Variants in FAM120A observed in about 807,000 individuals in gnomAD.
FAM120A encodes family with sequence similarity 120 member A, also known as constitutive coactivator of PPAR-gamma-like protein 1.
FAM120A carries 15 observed loss-of-function variants against 109.7 expected under a neutral mutation model. The observed-to-expected ratio is 0.14, with a 90% CI of 0.09 to 0.21. The LOEUF (loss-of-function observed/expected upper bound fraction) is 0.21. Among genes scored for constraint, FAM120A ranks in the 10% least tolerant of loss-of-function variants. The pLI, the probability that FAM120A is intolerant of heterozygous loss-of-function variation, is 1.00. For missense variants in FAM120A, 899 were observed against 1,439.3 expected, an observed-to-expected ratio of 0.62 and a Z score of 6.07; for synonymous variants, 493 against 572.8, an observed-to-expected ratio of 0.86 and a Z score of 1.99.
rs1363630212 is a variant in FAM120A, at chr9:93,498,978, T to C, written c.1030+92T>C. On this transcript the variant is annotated intron_variant, in intron 5 of 17. Coordinates refer to ENST00000277165, the MANE Select transcript of FAM120A (RefSeq NM_014612.5). The surrounding 1 kb of genome is among the most constrained non-coding windows in gnomAD (Gnocchi z 4.4). ...CATATAATCTTGTAGGTTTATGTTT[T>C]TGAAACATGATTTTCTGTAGTTATG... The C allele has an allele frequency of 1.1e-6, 1 of 899,616 alleles. No homozygotes were observed. Among genetic ancestry groups the C allele is most frequent in the Admixed American group, 2.0e-5 (1 of 50,066 alleles). 55.7% of individuals were successfully genotyped at this position (899,616 alleles called of 1,614,324 possible).
In FAM120A at chr9:93,562,236, G is replaced by A; in HGVS notation, c.2977G>A (p.Val993Met). 6.2e-7 allele frequency: 1 copy of A among 1,614,130 alleles called. No homozygotes were observed. The highest frequency in any genetic ancestry group is 1.3e-5 in the African/African-American group (1 of 75,046). The change falls in exon 17 of 18, where the codon GTG (valine) becomes ATG (methionine). Residue 993 changes from valine to methionine, a missense_variant. By Grantham distance (21) the Val-to-Met change is conservative. Transcript: ENST00000277165. Reference sequence around the variant, plus strand: ...TCCAAGAGGAGTTATTTCCACCCCAGTGATTAGAACATTTGGAAGAGGTGG... The same window carrying A: ...TCCAAGAGGAGTTATTTCCACCCCAATGATTAGAACATTTGGAAGAGGTGG... ...GRPRGVISTPVIRTFGRGGRY... is the reference protein window; with the variant it reads ...GRPRGVISTPMIRTFGRGGRY...
chr9:93,557,811 G>C lies in FAM120A; in HGVS notation c.2485-16G>C, dbSNP rs751932248. On this transcript the variant is annotated splice_polypyrimidine_tract_variant and intron_variant, in intron 13 of 17. Coordinates refer to ENST00000277165, the MANE Select transcript of FAM120A (RefSeq NM_014612.5). ...CCTGTGGATGGCATTTTCACATGCT[G>C]GTCCTTGTCTTCCAGGCTGATCAGG... 8.7e-6 allele frequency: 14 copies of C among 1,609,096 alleles called. No individual in the cohort carries two copies.
intron 17 of FAM120A, among the ~76,000 whole-genome samples, chr9:93,563,955 C>G (rs1053898673): frequency 1.3e-5 from 2 of 152,152 alleles, no homozygotes; most frequent in South Asian, 4.1e-4. Context: ...TAGTGCCATA[C>G]AAAGGATTAG....
intron 5 of FAM120A, 130 bp downstream of exon 5, chr9:93,499,016 G>T (rs967271235): frequency 1.4e-6 from 1 of 692,308 alleles, no homozygotes; most frequent in East Asian, 2.5e-5. Flanking sequence ...AGTAAGTATA[G>T]CCAAACTTCC....
intron 2 of FAM120A, among the ~76,000 whole-genome samples, chr9:93,474,974 C>T (rs558966729): frequency 5.9e-5 from 9 of 152,264 alleles, no homozygotes; most frequent in Admixed American, 1.3e-4. Flanking sequence ...TGAGCAGTTA[C>T]GGTTCAGATT....
chr9:93,479,646 C>G (rs776218729), intron 3 of FAM120A, among the ~76,000 whole-genome samples: 2 of 152,140 alleles, frequency 1.3e-5, no homozygotes, highest in Non-Finnish European at 1.5e-5. Context: ...GATAGGAAGT[C>G]ATCAGTAGTC....
Position 93,564,627 on chromosome 9 carries a change from T to C in FAM120A, c.*87T>C. ...GAAAGAGAGCCTGCAGTTATGTACA[T>C]TTTGTCCTTTCCGTAAGAGAAAAAT... On this transcript the variant is annotated 3_prime_UTR_variant, in exon 18 of 18. Coordinates refer to ENST00000277165, the MANE Select transcript of FAM120A (RefSeq NM_014612.5). The C allele has an allele frequency of 8.8e-7, 1 of 1,141,926 alleles. No individual in the cohort carries two copies. Among genetic ancestry groups the C allele is most frequent in the East Asian group, 2.5e-5 (1 of 40,196 alleles). The allele number at this position is 1,141,926 out of a possible 1,614,324, so 70.7% of individuals were successfully genotyped here. A position where few individuals can be genotyped will look rare whatever the true frequency, so the allele number is the denominator to read the frequency against.
At chr9:93,494,303 A>G (rs1859474107) in intron 3 of FAM120A, among the ~76,000 whole-genome samples, 1 of 152,208 alleles carries the variant, frequency 6.6e-6, no homozygotes, top group African/African-American at 2.4e-5. Context: ...CATTTGAAGG[A>G]TGCACCTAAG....
intron 1 of FAM120A, among the ~76,000 whole-genome samples, chr9:93,457,645 A>T (rs550232225): frequency 2.1e-4 from 32 of 152,172 alleles, no homozygotes; most frequent in Non-Finnish European, 3.7e-4. Context: ...ACTTTGCAAG[A>T]AAGCCAGAAA....
intron 12 of FAM120A, among the ~76,000 whole-genome samples, chr9:93,553,150 T>A (rs1334367513): frequency 6.6e-6 from 1 of 152,244 alleles, no homozygotes; most frequent in African/African-American, 2.4e-5. Flanking sequence ...TTTCCTGTTA[T>A]ATTTTTTAAG....
intron 3 of FAM120A, among the ~76,000 whole-genome samples, chr9:93,489,008 T>TAA (rs34387679): frequency 0.045 from 6,423 of 143,132 alleles, 225 homozygotes; most frequent in African/African-American, 0.092. Flanking sequence ...ATGTATCTGT[T>TAA]AAAAAAAAAA....
intron 8 of FAM120A, among the ~76,000 whole-genome samples, chr9:93,528,655 A>G (rs1392462603): frequency 6.6e-6 from 1 of 151,806 alleles, no homozygotes; most frequent in Non-Finnish European, 1.5e-5. Flanking sequence ...TGTATCATGG[A>G]CCTCTTTCTA....
intron 11 of FAM120A, among the ~76,000 whole-genome samples, chr9:93,549,850 C>T (rs1862032097): frequency 1.3e-5 from 2 of 152,164 alleles, no homozygotes; most frequent in Non-Finnish European, 2.9e-5. Context: ...TTCACTTTTT[C>T]ACGCCCAGAC....
At chr9:93,501,071 AT>A (rs961688654) in intron 5 of FAM120A, among the ~76,000 whole-genome samples, 4 of 152,200 alleles carry the variant, frequency 2.6e-5, no homozygotes, top group African/African-American at 9.7e-5. Context: ...CAGGCACTGA[AT>A]GATTGGGCAT....
At chr9:93,496,906 C>A (rs1859600684) in intron 3 of FAM120A, among the ~76,000 whole-genome samples, 1 of 152,242 alleles carries the variant, frequency 6.6e-6, no homozygotes, top group African/African-American at 2.4e-5. Context: ...TTTCCTCAAA[C>A]ATGCCCCTCA....
At chr9:93,494,847 G>A (rs1588839419) in intron 3 of FAM120A, among the ~76,000 whole-genome samples, 1 of 152,142 alleles carries the variant, frequency 6.6e-6, no homozygotes, top group African/African-American at 2.4e-5. Flanking sequence ...CTCTGGCACG[G>A]GTGACATTAG....
rs781715520 is a variant in FAM120A, at chr9:93,564,322, G to A, written c.3139G>A (p.Gly1047Arg). Residue 1047 changes from glycine to arginine, a missense_variant, in exon 18 of 18, where the codon GGG (glycine) becomes AGG (arginine). Gly to Arg is a moderately radical substitution (Grantham distance 125). This residue lies in a region of FAM120A where 170 missense variants were observed against 205.0 expected (regional missense o/e 0.83). Coordinates refer to ENST00000277165, the MANE Select transcript of FAM120A (RefSeq NM_014612.5). ...ESKSSAMSSD[G>R]SLAENGVMAE... The stretch of plus-strand genomic sequence containing the variant: ...GAAGTCCTCTGCTATGTCTTCAGAC[G>A]GGTCCCTGGCTGAAAACGGAGTGAT... The A allele has an allele frequency of 9.3e-6, 15 of 1,614,082 alleles. No individual in the cohort carries two copies. Among genetic ancestry groups the A allele is most frequent in the East Asian group, 8.9e-5 (4 of 44,902 alleles).
At chr9:93,486,114 A>G (rs1438999721) in intron 3 of FAM120A, among the ~76,000 whole-genome samples, 4 of 152,100 alleles carry the variant, frequency 2.6e-5, no homozygotes, top group Non-Finnish European at 1.5e-5. Context: ...CTAGGACTAT[A>G]GGCGTGTACC....
At chr9:93,553,535 C>T (rs947527286) in intron 12 of FAM120A, among the ~76,000 whole-genome samples, 13 of 152,154 alleles carry the variant, frequency 8.5e-5, no homozygotes, top group Non-Finnish European at 1.6e-4. Flanking sequence ...TTGAGCTAAT[C>T]GGTCAGAGAG....
Sources: allele counts gnomAD v4.1 joint callset (sites outside exome capture counted in the v4.1 genomes callset), GRCh38; gene constraint gnomAD v4.1.1; regional missense constraint gnomAD v4.1.1; non-coding constraint Gnocchi (gnomAD v3.1); transcripts MANE v1.5; gene names NCBI Gene and HGNC (gene_info 2026-07-23, HGNC 2026-07-21).